Variants in GRIN3A observed in about 807,000 individuals in gnomAD.
The protein encoded by GRIN3A is glutamate ionotropic receptor NMDA type subunit 3A, also known as glutamate receptor ionotropic, NMDA 3A.
In GRIN3A, 47 loss-of-function variants were observed where a neutral mutation model predicts 92.4. The observed-to-expected ratio is 0.51, with a 90% CI of 0.40 to 0.65. GRIN3A has a LOEUF of 0.65. GRIN3A is among the 30% of genes least tolerant of loss of function. The pLI, the probability that GRIN3A is intolerant of heterozygous loss-of-function variation, is 0.00. For synonymous variants in GRIN3A, 527 were observed against 540.6 expected, an observed-to-expected ratio of 0.97 and a Z score of 0.35; for missense variants, 1,324 against 1,393.1, an observed-to-expected ratio of 0.95 and a Z score of 0.79.
intron 6 of GRIN3A, among the ~76,000 whole-genome samples, chr9:101,580,792 G>C (rs1160218838): frequency 6.6e-6 from 1 of 152,236 alleles, no homozygotes; most frequent in South Asian, 2.1e-4. Context: ...AAGTGGCAAA[G>C]TTGGTCTTTC....
chr9:101,601,882 AT>A (rs1331108100), intron 6 of GRIN3A, among the ~76,000 whole-genome samples: 6 of 152,122 alleles, frequency 3.9e-5, no homozygotes, highest in African/African-American at 1.4e-4. Flanking sequence ...CAATGACCCT[AT>A]TTCCAAACCA....
At chr9:101,652,525 A>G (rs2118918891) in intron 3 of GRIN3A, among the ~76,000 whole-genome samples, 1 of 152,086 alleles carries the variant, frequency 6.6e-6, no homozygotes. Context: ...AGCCAGTAGT[A>G]GGTCCCAACA....
chr9:101,700,744 G>A (rs901766229), intron 1 of GRIN3A, among the ~76,000 whole-genome samples: 4 of 152,054 alleles, frequency 2.6e-5, no homozygotes, highest in South Asian at 2.1e-4. Context: ...TATCTAAAGC[G>A]AGGTACCATT....
intron 8 of GRIN3A, among the ~76,000 whole-genome samples, chr9:101,576,921 G>A (rs1827834312): frequency 6.6e-6 from 1 of 152,174 alleles, no homozygotes; most frequent in Admixed American, 6.5e-5. Context: ...GTTATGATGA[G>A]AGGTGTGCCC....
chr9:101,652,920 A>G (rs1329624249), intron 3 of GRIN3A, among the ~76,000 whole-genome samples: 1 of 135,604 alleles, frequency 7.4e-6, no homozygotes, highest in Non-Finnish European at 1.6e-5. Flanking sequence ...TCCTGTTTTC[A>G]CATCCTTGTG....
chr9:101,641,401 G>C (rs574674682), intron 3 of GRIN3A, among the ~76,000 whole-genome samples: 21 of 152,256 alleles, frequency 1.4e-4, no homozygotes, highest in Non-Finnish European at 2.6e-4. Context: ...GTCCAACAAC[G>C]ATAGATTGGA....
intron 1 of GRIN3A, among the ~76,000 whole-genome samples, chr9:101,723,781 T>C (rs549330458): frequency 1.0e-3 from 156 of 152,276 alleles, no homozygotes; most frequent in African/African-American, 3.5e-3. Flanking sequence ...GATTGGTGCA[T>C]TCACAAACCC....
At chr9:101,651,681 G>T (rs1287107176) in intron 3 of GRIN3A, among the ~76,000 whole-genome samples, 1 of 149,922 alleles carries the variant, frequency 6.7e-6, no homozygotes, top group Non-Finnish European at 1.5e-5. Context: ...CATTCTTTCA[G>T]ATTTTAAAAT....
chr9:101,673,220 GA>G (rs1039759127), intron 2 of GRIN3A, among the ~76,000 whole-genome samples: 2 of 152,046 alleles, frequency 1.3e-5, no homozygotes, highest in African/African-American at 2.4e-5. Context: ...AACCATATCA[GA>G]AAAAGGCACT....
chr9:101,586,577 C>G (rs1160080246), intron 6 of GRIN3A, among the ~76,000 whole-genome samples: 1 of 152,064 alleles, frequency 6.6e-6, no homozygotes, highest in African/African-American at 2.4e-5. Context: ...CTAATATTCA[C>G]CAATCTAGGG....
chr9:101,645,555 C>T (rs946168793), intron 3 of GRIN3A, among the ~76,000 whole-genome samples: 5 of 151,428 alleles, frequency 3.3e-5, no homozygotes, highest in South Asian at 2.1e-4. Context: ...GGATCAGCAG[C>T]GGATTGCTAG....
At chr9:101,594,845 C>G in intron 6 of GRIN3A, 1 of 1,607,538 alleles carries the variant, frequency 6.2e-7, no homozygotes, top group Non-Finnish European at 8.5e-7. Flanking sequence ...CTTCTTAAAC[C>G]TCCTGCCCAG....
intron 6 of GRIN3A, chr9:101,592,510 GAAGT>G (rs1828044274): frequency 6.6e-6 from 1 of 152,192 alleles, no homozygotes; most frequent in African/African-American, 2.4e-5. Flanking sequence ...CAGCTAAAAA[GAAGT>G]GAGTGTGATA....
At chr9:101,616,730 G>A (rs1284074105) in intron 5 of GRIN3A, among the ~76,000 whole-genome samples, 4 of 127,580 alleles carry the variant, frequency 3.1e-5, no homozygotes, top group Non-Finnish European at 4.8e-5. Flanking sequence ...ATCACACTCT[G>A]GGGACTGTGG....
chr9:101,598,179 C>T (rs537346860), intron 6 of GRIN3A, among the ~76,000 whole-genome samples: 35 of 152,110 alleles, frequency 2.3e-4, no homozygotes, highest in African/African-American at 7.0e-4. Context: ...AAAGTGTTAC[C>T]GTTTCAACAT....
chr9:101,705,656 C>G (rs1254655346), intron 1 of GRIN3A, among the ~76,000 whole-genome samples: 2 of 152,080 alleles, frequency 1.3e-5, no homozygotes, highest in African/African-American at 4.8e-5. Flanking sequence ...GGCCACCGAA[C>G]AGACAAGCCA....
intron 1 of GRIN3A, among the ~76,000 whole-genome samples, chr9:101,732,438 T>A (rs1397548525): frequency 6.6e-6 from 1 of 152,174 alleles, no homozygotes; most frequent in Non-Finnish European, 1.5e-5. Context: ...GACTTAAGGC[T>A]CTAGAAGCTG....
chr9:101,614,028 A>G (rs528652737), intron 5 of GRIN3A, among the ~76,000 whole-genome samples: 33 of 152,338 alleles, frequency 2.2e-4, no homozygotes, highest in African/African-American at 7.7e-4. Context: ...ACAATACAGT[A>G]TGAGAACTAA....
chr9:101,684,247 C>T (rs1460016696), intron 2 of GRIN3A, among the ~76,000 whole-genome samples: 2 of 149,936 alleles, frequency 1.3e-5, no homozygotes, highest in Non-Finnish European at 3.0e-5. Context: ...GGACTACAGT[C>T]GCGGTGCCAG....
Sources: allele counts gnomAD v4.1 joint callset (sites outside exome capture counted in the v4.1 genomes callset), GRCh38; gene constraint gnomAD v4.1.1; transcripts MANE v1.5; gene names NCBI Gene and HGNC (gene_info 2026-07-23, HGNC 2026-07-21).